Variants in NBEA observed in about 807,000 individuals in gnomAD.
The protein encoded by NBEA is lysosomal-trafficking regulator 2.
Under a neutral mutation model 343.4 loss-of-function variants are expected in NBEA, and 44 were observed. The ratio of observed to expected loss-of-function variants is 0.13; its 90% CI spans 0.10 to 0.16. NBEA has a LOEUF of 0.16. NBEA is among the 10% of genes least tolerant of loss of function. The probability of loss-of-function intolerance (pLI) is 1.00; values close to 1 mark genes in which losing one functional copy is unlikely to be tolerated. For missense variants in NBEA, 2,555 were observed against 3,631.3 expected (o/e 0.70, Z 7.62); for synonymous variants, 1,175 against 1,238.7 (o/e 0.95, Z 1.08).
chr13:35,276,167 G>A (rs917378426), intron 34 of NBEA, among the ~76,000 whole-genome samples: 1 of 152,142 alleles, frequency 6.6e-6, no homozygotes, highest in African/African-American at 2.4e-5. Context: ...AGACACTTTT[G>A]TTTTACAAAA....
chr13:34,942,529 GGCA>G lies in NBEA; in HGVS notation c.-289_-287del. ...GGGAGAGAGCAGAGGCAGCGGCGGC[GGCA>G]GCGGCAGCGGCAGCGGCACACCTGC... On this transcript the variant is annotated 5_prime_UTR_variant, in exon 1 of 59. Transcript: ENST00000379939. The G allele has an allele frequency of 2.8e-5, 5 of 180,814 alleles. No homozygotes were observed. Among genetic ancestry groups the G allele is most frequent in the South Asian group, 1.5e-4 (1 of 6,558 alleles). The allele number at this position is 180,814 out of a possible 1,614,324, so 11.2% of individuals were successfully genotyped here.
At chr13:35,654,695 G>A (rs1220937186) in intron 53 of NBEA, among the ~76,000 whole-genome samples, 160 bp from the exon 54 acceptor site, 1 of 152,060 alleles carries the variant, frequency 6.6e-6, no homozygotes, top group African/African-American at 2.4e-5. Context: ...TTACTGCGAA[G>A]GAAATTTATA....
intron 8 of NBEA, among the ~76,000 whole-genome samples, chr13:35,065,669 C>G (rs2063625225): frequency 6.6e-6 from 1 of 151,996 alleles, no homozygotes; most frequent in African/African-American, 2.4e-5. Flanking sequence ...TTATCTCCTT[C>G]TTTATTTCTC....
intron 7 of NBEA, among the ~76,000 whole-genome samples, chr13:35,058,009 G>A (rs916652212): frequency 6.6e-6 from 1 of 152,044 alleles, no homozygotes; most frequent in Non-Finnish European, 1.5e-5. Flanking sequence ...TAGCCTGTGG[G>A]GATAGGAGAA....
chr13:34,975,236 A>C (rs956900024), intron 1 of NBEA, among the ~76,000 whole-genome samples: 1 of 152,214 alleles, frequency 6.6e-6, no homozygotes, highest in African/African-American at 2.4e-5. Context: ...CTTAGTCACC[A>C]AAATAGCATG....
At chr13:35,454,337 C>T (rs921626250) in intron 40 of NBEA, among the ~76,000 whole-genome samples, 3 of 152,072 alleles carry the variant, frequency 2.0e-5, no homozygotes, top group African/African-American at 7.2e-5. Context: ...TGTTACAAGC[C>T]AGAATTCTTA....
At chr13:35,090,385 A>G (rs1297300466) in intron 10 of NBEA, among the ~76,000 whole-genome samples, 1 of 151,936 alleles carries the variant, frequency 6.6e-6, no homozygotes, top group Non-Finnish European at 1.5e-5. Context: ...GGGGTTAGGA[A>G]ATGTCTTCTG....
At chr13:35,351,017 C>T (rs2040171007) in intron 37 of NBEA, among the ~76,000 whole-genome samples, 1 of 151,914 alleles carries the variant, frequency 6.6e-6, no homozygotes, top group South Asian at 2.1e-4. Flanking sequence ...AACCTCATTA[C>T]TGAGGCAGAT....
chr13:35,246,625 T>C (rs2031239111), intron 34 of NBEA, among the ~76,000 whole-genome samples: 1 of 152,156 alleles, frequency 6.6e-6, no homozygotes, highest in Admixed American at 6.5e-5. Context: ...CACAGAGTCC[T>C]GTCATGTGAA....
chr13:35,276,068 C>A lies in NBEA; in HGVS notation c.5777-14321C>A, dbSNP rs2034563117. On this transcript the variant is annotated intron_variant, in intron 34 of 58. Transcript: ENST00000379939. ...GCATATCTGAACATCTGCTATAGGG[C>A]TGACTGAATACATGTAATTTTTAGT... is the stretch of plus-strand genomic sequence containing the variant. Among the ~76,000 whole-genome samples the A allele has an allele frequency of 3.9e-5, 6 of 152,098 alleles. No individual in the cohort carries two copies. The South Asian group carries it at 1.2e-3, about 31-fold the overall frequency.
chr13:35,099,844 A>G (rs1331932674), intron 11 of NBEA, among the ~76,000 whole-genome samples: 1 of 152,106 alleles, frequency 6.6e-6, no homozygotes, highest in Admixed American at 6.6e-5. Context: ...ACAGGAGTTT[A>G]GTTGTATTAT....
chr13:35,217,242 T>G (rs1192806531), intron 33 of NBEA, among the ~76,000 whole-genome samples: 1 of 152,074 alleles, frequency 6.6e-6, no homozygotes, highest in Non-Finnish European at 1.5e-5. Flanking sequence ...ACTTTTGAAC[T>G]CTGAGAGTTT....
intron 52 of NBEA, 76 bp from the exon 53 acceptor site, chr13:35,651,729 T>C (rs765176331): frequency 7.0e-6 from 6 of 858,716 alleles, no homozygotes; most frequent in South Asian, 1.5e-5. Context: ...AAAATCATCA[T>C]AAAACACTAC....
chr13:35,040,310 A>G (rs2062603141), intron 1 of NBEA, among the ~76,000 whole-genome samples: 1 of 152,140 alleles, frequency 6.6e-6, no homozygotes, highest in Non-Finnish European at 1.5e-5. Context: ...CTCATTTGCC[A>G]TAATGCTGAA....
chr13:34,944,644 A>G (rs2059133977), intron 1 of NBEA, among the ~76,000 whole-genome samples: 1 of 152,176 alleles, frequency 6.6e-6, no homozygotes, highest in Non-Finnish European at 1.5e-5. Context: ...CTAGCTGCAA[A>G]TAAGAGGTCA....
At chr13:35,222,844 G>A (rs900220865) in intron 33 of NBEA, among the ~76,000 whole-genome samples, 2 of 152,114 alleles carry the variant, frequency 1.3e-5, no homozygotes, top group South Asian at 4.1e-4. Context: ...CGAAGAAACA[G>A]TAGGCCGGGC....
At chr13:35,429,412 G>GTT (rs755946180) in intron 38 of NBEA, among the ~76,000 whole-genome samples, 1 of 151,084 alleles carries the variant, frequency 6.6e-6, no homozygotes, top group Non-Finnish European at 1.5e-5. Flanking sequence ...CTAAACTGCT[G>GTT]TTTTTTTTTG....
Position 35,655,552 on chromosome 13 carries a change from A to C in NBEA, c.8192-27A>C, listed in dbSNP as rs1465606631. 1.3e-5 allele frequency: 21 copies of C among 1,596,470 alleles called. No individual in the cohort carries two copies. In the East Asian group the frequency reaches 4.3e-4, roughly 33 times the overall value. On this transcript the variant is annotated intron_variant, in intron 54 of 58. Coordinates refer to ENST00000379939, the MANE Select transcript of NBEA (RefSeq NM_001385012.1). Reference sequence around the variant, plus strand: ...CCATTTGAAGAAAAAGACTAAATGAAGCAAACCTGTCATTTCTGTGTTGCA... The same window carrying C: ...CCATTTGAAGAAAAAGACTAAATGACGCAAACCTGTCATTTCTGTGTTGCA...
intron 40 of NBEA, among the ~76,000 whole-genome samples, chr13:35,453,684 G>C (rs1161763156): frequency 6.6e-6 from 1 of 152,054 alleles, no homozygotes; most frequent in Non-Finnish European, 1.5e-5. Context: ...TAGACTCCCT[G>C]GTCCTTTGTT....
Sources: allele counts gnomAD v4.1 joint callset (sites outside exome capture counted in the v4.1 genomes callset), GRCh38; gene constraint gnomAD v4.1.1; transcripts MANE v1.5; gene names NCBI Gene and HGNC (gene_info 2026-07-23, HGNC 2026-07-21).